The following VRK2 variants were observed in gnomAD, a reference collection of about 807,000 sequenced individuals.
VRK2 encodes VRK serine/threonine kinase 2, also known as serine/threonine-protein kinase VRK2.
VRK2 carries 60 observed loss-of-function variants against 57.6 expected under a neutral mutation model. The ratio of observed to expected loss-of-function variants is 1.04; its 90% CI spans 0.85 to 1.29. The LOEUF (loss-of-function observed/expected upper bound fraction) is 1.29, where lower values mean the gene tolerates loss of function less well. Among genes scored for constraint, VRK2 ranks in the 50% most tolerant of loss-of-function variants. VRK2 has a pLI of 0.00. For missense variants in VRK2, 705 were observed against 588.1 expected (o/e 1.20, Z -2.06); for synonymous variants, 231 against 199.2 (o/e 1.16, Z -1.35).
intron 4 of VRK2, among the ~76,000 whole-genome samples, chr2:58,086,084 C>T: frequency 6.6e-6 from 1 of 151,074 alleles, no homozygotes; most frequent in Middle Eastern, 3.6e-3. Context: ...TAGATTGAAA[C>T]ATTAATATAT....
At chr2:58,026,566 G>T (rs991922678) in intron 2 of VRK2, among the ~76,000 whole-genome samples, 3 of 152,078 alleles carry the variant, frequency 2.0e-5, no homozygotes, top group African/African-American at 7.2e-5. Context: ...AAAGAGTATG[G>T]TTCTGTTTTA....
At chr2:58,143,089 G>A (rs775220845) in intron 11 of VRK2, among the ~76,000 whole-genome samples, 1 of 151,532 alleles carries the variant, frequency 6.6e-6, no homozygotes, top group African/African-American at 2.4e-5. Flanking sequence ...AGAATTTAAC[G>A]GTTTACAAAA....
At chr2:57,923,534 G>T (rs373640547) in intron 1 of VRK2, among the ~76,000 whole-genome samples, 4 of 138,738 alleles carry the variant, frequency 2.9e-5, no homozygotes, top group Admixed American at 7.2e-5. Context: ...TTTTTTTTTT[G>T]AGAAATGTCT....
chr2:57,967,416 T>G (rs1671957501), intron 1 of VRK2, among the ~76,000 whole-genome samples: 1 of 147,702 alleles, frequency 6.8e-6, no homozygotes, highest in African/African-American at 2.5e-5. Context: ...GTTTGTGTGG[T>G]TTTTTTTTTA....
intron 1 of VRK2, among the ~76,000 whole-genome samples, chr2:57,980,723 T>A (rs1302912551): frequency 6.6e-6 from 1 of 152,224 alleles, no homozygotes; most frequent in Non-Finnish European, 1.5e-5. Flanking sequence ...CAGTGTTGGG[T>A]GCATATACAT....
At chr2:57,920,587 T>G (rs1670308558) in intron 1 of VRK2, among the ~76,000 whole-genome samples, 3 of 151,984 alleles carry the variant, frequency 2.0e-5, no homozygotes, top group Non-Finnish European at 2.9e-5. Flanking sequence ...AAAGCTGGAG[T>G]TGAGTATCGG....
intron 2 of VRK2, among the ~76,000 whole-genome samples, chr2:58,053,241 C>T (rs1050557325): frequency 1.2e-4 from 19 of 152,292 alleles, no homozygotes; most frequent in African/African-American, 4.3e-4. Context: ...GCTTTATTGA[C>T]AGGACATCAG....
intron 2 of VRK2, among the ~76,000 whole-genome samples, chr2:58,052,600 C>CA (rs79413397): frequency 0.16 from 11,680 of 73,064 alleles, 712 homozygotes; most frequent in Middle Eastern, 0.25. Flanking sequence ...GAGACTGTCT[C>CA]AAAAAAAAAA....
intron 2 of VRK2, among the ~76,000 whole-genome samples, chr2:58,076,886 A>T (rs1476426184): frequency 6.6e-6 from 1 of 151,972 alleles, no homozygotes; most frequent in African/African-American, 2.4e-5. Context: ...GAGCTTGCAA[A>T]AAAAGAATGT....
intron 1 of VRK2, among the ~76,000 whole-genome samples, chr2:57,975,705 G>A (rs1207423456): frequency 7.3e-5 from 11 of 150,968 alleles, no homozygotes; most frequent in Admixed American, 6.6e-4. Context: ...AAGATTCTAA[G>A]ATTTGGCTCC....
intron 6 of VRK2, 51 bp downstream of exon 6, chr2:58,088,497 C>A (rs764865804): frequency 2.3e-6 from 3 of 1,307,076 alleles, no homozygotes; most frequent in Admixed American, 1.8e-5. Context: ...TTACTTCTTG[C>A]AATATAGAAA....
At chr2:57,967,248 T>C (rs993283177) in intron 1 of VRK2, among the ~76,000 whole-genome samples, 5 of 151,918 alleles carry the variant, frequency 3.3e-5, no homozygotes, top group Non-Finnish European at 7.4e-5. Context: ...AGGGGAGGGA[T>C]AGCATTAGGA....
At chr2:58,139,541 ATTTT>A in intron 10 of VRK2, 121 bp from the exon 11 acceptor site, 9 of 783,884 alleles carry the variant, frequency 1.1e-5, no homozygotes, top group Non-Finnish European at 1.8e-5. Context: ...TGAATTGTTC[ATTTT>A]TAGTTTCTTC....
chr2:58,042,572 T>A (rs1316311924), upstream of VRK2, among the ~76,000 whole-genome samples: 1 of 152,228 alleles, frequency 6.6e-6, no homozygotes, highest in Non-Finnish European at 1.5e-5. Context: ...ACATTTTAAT[T>A]GATTTGAAAT....
intron 1 of VRK2, among the ~76,000 whole-genome samples, chr2:57,923,848 TCA>T (rs1191863672): frequency 6.6e-6 from 1 of 152,036 alleles, no homozygotes; most frequent in Non-Finnish European, 1.5e-5. Flanking sequence ...TTTAGTAGTT[TCA>T]GTTTCAGTTC....
At chr2:57,994,163 G>A (rs559633950) in intron 1 of VRK2, among the ~76,000 whole-genome samples, 1 of 152,252 alleles carries the variant, frequency 6.6e-6, no homozygotes, top group South Asian at 2.1e-4. Flanking sequence ...AAACTTTATG[G>A]TCATTGAAAT....
At chr2:57,968,300 TA>T (rs1558517712) in intron 1 of VRK2, among the ~76,000 whole-genome samples, 1 of 151,808 alleles carries the variant, frequency 6.6e-6, no homozygotes, top group Non-Finnish European at 1.5e-5. Context: ...ATAATAAGAA[TA>T]AGAGGAAATC....
chr2:58,058,465 T>C (rs1327628944), intron 2 of VRK2: 6 of 467,776 alleles, frequency 1.3e-5, no homozygotes, highest in Non-Finnish European at 2.2e-5. Flanking sequence ...AAGAGGCGCA[T>C]AGAGAACATA....
At chr2:57,953,153 T>C (rs1228510691) in intron 1 of VRK2, among the ~76,000 whole-genome samples, 1 of 152,220 alleles carries the variant, frequency 6.6e-6, no homozygotes, top group African/African-American at 2.4e-5. Flanking sequence ...ATCCAGAAAC[T>C]AATAGTACTA....
Sources: allele counts gnomAD v4.1 joint callset (sites outside exome capture counted in the v4.1 genomes callset), GRCh38; gene constraint gnomAD v4.1.1; transcripts MANE v1.5; gene names NCBI Gene and HGNC (gene_info 2026-07-23, HGNC 2026-07-21).